FSTL4: variants seen among roughly 807,000 people sequenced by gnomAD.
FSTL4 encodes the protein follistatin like 4, also known as follistatin-related protein 4.
FSTL4 carries 28 observed loss-of-function variants against 78.2 expected under a neutral mutation model. That is an observed-to-expected ratio of 0.36 (90% confidence interval 0.27 to 0.49). FSTL4 has a LOEUF of 0.49. FSTL4 is among the 20% of genes least tolerant of loss of function. FSTL4 has a pLI of 0.98. For synonymous variants in FSTL4, 422 were observed against 440.5 expected, an observed-to-expected ratio of 0.96 and a Z score of 0.53; for missense variants, 922 against 1,084.9, an observed-to-expected ratio of 0.85 and a Z score of 2.11.
At chr5:133,292,413 G>A (rs1407798190) in intron 6 of FSTL4, among the ~76,000 whole-genome samples, 1 of 152,068 alleles carries the variant, frequency 6.6e-6, no homozygotes. Context: ...TCCCAAGGCT[G>A]TGCCTCCCTG....
chr5:133,465,482 C>T (rs1186900679), intron 3 of FSTL4, among the ~76,000 whole-genome samples: 1 of 152,198 alleles, frequency 6.6e-6, no homozygotes, highest in Non-Finnish European at 1.5e-5. Flanking sequence ...TCCACGAAGC[C>T]CCAAGCAGGG....
chr5:133,818,303 T>C, the FSTL4 span, among the ~76,000 whole-genome samples: 1 of 152,210 alleles, frequency 6.6e-6, no homozygotes, highest in East Asian at 1.9e-4. Flanking sequence ...ATGCAGGGGC[T>C]GTTGGCCAGA....
chr5:133,489,455 G>A (rs10043427), intron 3 of FSTL4, among the ~76,000 whole-genome samples: 1,897 of 152,182 alleles, frequency 0.012, 40 homozygotes, highest in African/African-American at 0.044. Context: ...TCTATCCCAG[G>A]GGCTTCCATT....
chr5:133,599,823 G>A (rs408020), intron 2 of FSTL4, among the ~76,000 whole-genome samples: 41,136 of 151,520 alleles, frequency 0.27, 5,888 homozygotes, highest in East Asian at 0.35. Context: ...GGAGGCTCCC[G>A]CCACAGCACC....
the FSTL4 span, among the ~76,000 whole-genome samples, chr5:133,628,564 T>C: frequency 3.3e-5 from 5 of 152,086 alleles, no homozygotes; most frequent in Non-Finnish European, 7.4e-5. Flanking sequence ...TTCTCCATTT[T>C]GGTCAGGCTG....
chr5:133,488,265 C>CT (rs35114663), intron 3 of FSTL4, among the ~76,000 whole-genome samples: 18,451 of 152,108 alleles, frequency 0.12, 1,356 homozygotes, highest in Non-Finnish European at 0.16. Flanking sequence ...GACGAGCTCT[C>CT]TTTTTTTGAG....
At chr5:133,273,388 C>T (rs967998975) in intron 6 of FSTL4, among the ~76,000 whole-genome samples, 4 of 152,236 alleles carry the variant, frequency 2.6e-5, no homozygotes, top group Non-Finnish European at 4.4e-5. Context: ...AGCAGCCACA[C>T]ATACCTAGGA....
At chr5:133,317,011 A>G (rs1453546386) in intron 4 of FSTL4, among the ~76,000 whole-genome samples, 1 of 152,042 alleles carries the variant, frequency 6.6e-6, no homozygotes, top group Non-Finnish European at 1.5e-5. Flanking sequence ...TAGGAAAGCT[A>G]CCCCCAATTC....
intron 4 of FSTL4, among the ~76,000 whole-genome samples, chr5:133,381,573 G>C (rs1755572019): frequency 6.6e-6 from 1 of 152,172 alleles, no homozygotes; most frequent in African/African-American, 2.4e-5. Flanking sequence ...GAGTAGGGAG[G>C]GGCACGAGAG....
intron 3 of FSTL4, among the ~76,000 whole-genome samples, chr5:133,444,255 G>C (rs1451173002): frequency 6.6e-6 from 1 of 152,230 alleles, no homozygotes; most frequent in Admixed American, 6.5e-5. Flanking sequence ...CCCCATGGGA[G>C]GATTCGCCCT....
At chr5:133,308,728 T>A (rs770841413) in intron 6 of FSTL4, among the ~76,000 whole-genome samples, 1 of 152,168 alleles carries the variant, frequency 6.6e-6, no homozygotes, top group Non-Finnish European at 1.5e-5. Flanking sequence ...CTGGCTGTAG[T>A]GGTAGTGCTG....
rs533437672 is a variant in FSTL4 at position 133,440,998 on chromosome 5, G to C, written c.161-40012C>G. The stretch of plus-strand genomic sequence containing the variant: ...TCAGGGCCTGCACAGCACAGGGCCT[G>C]GCTTGGGGCAGTCTTGATGTGGTTC... On this transcript the variant is annotated intron_variant, in intron 3 of 15. Coordinates refer to ENST00000265342, the MANE Select transcript of FSTL4 (RefSeq NM_015082.2). This position sits in a 1 kb window ranked among gnomAD's most constrained non-coding sequence, Gnocchi z 4.1. 2.5e-4 allele frequency among the ~76,000 whole-genome samples: 38 copies of C among 152,296 alleles called. No individual in the cohort carries two copies. The highest frequency in any genetic ancestry group is 8.7e-4 in the African/African-American group (36 of 41,558).
chr5:133,317,351 G>T (rs1363479327), intron 4 of FSTL4, among the ~76,000 whole-genome samples: 1 of 152,142 alleles, frequency 6.6e-6, no homozygotes, highest in Non-Finnish European at 1.5e-5. Flanking sequence ...TGCTGGTGAC[G>T]GGCTTCTAGG....
the FSTL4 span, among the ~76,000 whole-genome samples, chr5:133,739,858 G>A: frequency 2.0e-5 from 3 of 151,890 alleles, no homozygotes; most frequent in Admixed American, 6.5e-5. Context: ...AGCTAGTAAG[G>A]AGGAGAACTG....
the FSTL4 span, among the ~76,000 whole-genome samples, chr5:133,631,226 A>G: frequency 6.6e-6 from 1 of 152,040 alleles, no homozygotes; most frequent in African/African-American, 2.4e-5. Flanking sequence ...ACAGAATGGG[A>G]GAATATTTTT....
At chr5:133,505,438 G>A (rs1758593648) in intron 3 of FSTL4, among the ~76,000 whole-genome samples, 1 of 152,198 alleles carries the variant, frequency 6.6e-6, no homozygotes, top group South Asian at 2.1e-4. Flanking sequence ...ACAGGCAGAT[G>A]TCTGTGTCCC....
chr5:133,832,118 T>C, the FSTL4 span, among the ~76,000 whole-genome samples: 1 of 152,220 alleles, frequency 6.6e-6, no homozygotes, highest in African/African-American at 2.4e-5. Context: ...TGTCTGAAGC[T>C]GGTGGAGGGG....
chr5:133,626,530 T>C, the FSTL4 span, among the ~76,000 whole-genome samples: 11,174 of 150,690 alleles, frequency 0.074, 437 homozygotes, highest in South Asian at 0.17. Context: ...CATTTAGTGC[T>C]ATAACTTTCC....
intron 3 of FSTL4, among the ~76,000 whole-genome samples, chr5:133,405,925 T>G (rs1756352976): frequency 6.6e-6 from 1 of 152,176 alleles, no homozygotes; most frequent in African/African-American, 2.4e-5. Flanking sequence ...CCAACAAATA[T>G]TTACTGAGCA....
Sources: allele counts gnomAD v4.1 joint callset (sites outside exome capture counted in the v4.1 genomes callset), GRCh38; gene constraint gnomAD v4.1.1; non-coding constraint Gnocchi (gnomAD v3.1); transcripts MANE v1.5; gene names NCBI Gene and HGNC (gene_info 2026-07-23, HGNC 2026-07-21).